Variants in NR1H4 observed in about 807,000 individuals in gnomAD.
NR1H4 encodes the protein bile acid receptor.
NR1H4 carries 23 observed loss-of-function variants against 58.5 expected under a neutral mutation model. That is an observed-to-expected ratio of 0.39 (90% CI 0.28 to 0.56). The LOEUF is 0.56. NR1H4 is among the 20% of genes least tolerant of loss of function. The pLI, the probability that NR1H4 is intolerant of heterozygous loss-of-function variation, is 0.58. For missense variants in NR1H4, 487 were observed against 576.9 expected (o/e 0.84, Z 1.60); for synonymous variants, 214 against 198.0 (o/e 1.08, Z -0.68).
At chr12:100,512,656 A>G (rs964017513) in intron 4 of NR1H4, among the ~76,000 whole-genome samples, 43 of 151,172 alleles carry the variant, frequency 2.8e-4, no homozygotes, top group African/African-American at 1.0e-3. Context: ...AAAAAAAAAG[A>G]CAATGTAAAA....
intron 3 of NR1H4, among the ~76,000 whole-genome samples, chr12:100,508,074 G>T (rs982654314): frequency 7.9e-5 from 12 of 151,824 alleles, no homozygotes; most frequent in African/African-American, 2.9e-4. Flanking sequence ...GTTTTTAAAT[G>T]GCATGTAACT....
At chr12:100,531,591 A>T (rs185910364) in intron 4 of NR1H4, among the ~76,000 whole-genome samples, 4 of 152,366 alleles carry the variant, frequency 2.6e-5, no homozygotes, top group Non-Finnish European at 4.4e-5. Context: ...TAGGCGAGTA[A>T]CTGCCTTCCT....
chr12:100,484,682 C>A (rs1050374956), intron 1 of NR1H4, among the ~76,000 whole-genome samples: 2 of 152,174 alleles, frequency 1.3e-5, no homozygotes, highest in Admixed American at 1.3e-4. Context: ...CGCCACGCTG[C>A]TATGCACTCT....
At chr12:100,509,940 C>A (rs574328571) in intron 3 of NR1H4, among the ~76,000 whole-genome samples, 1 of 152,054 alleles carries the variant, frequency 6.6e-6, no homozygotes, top group African/African-American at 2.4e-5. Flanking sequence ...CACACACACA[C>A]AGAGTTGGTG....
At chr12:100,505,797 A>G (rs1953945879) in intron 3 of NR1H4, 3 of 513,450 alleles carry the variant, frequency 5.8e-6, no homozygotes. Context: ...ACTCTAAATT[A>G]AAGTCGAACT....
intron 3 of NR1H4, among the ~76,000 whole-genome samples, chr12:100,508,641 G>A (rs1236333964): frequency 5.9e-5 from 9 of 152,076 alleles, no homozygotes; most frequent in Admixed American, 5.9e-4. Context: ...ACCTCATAGA[G>A]TTTTGTGAGG....
At chr12:100,517,393 T>C (rs1017729434) in intron 4 of NR1H4, among the ~76,000 whole-genome samples, 10 of 152,234 alleles carry the variant, frequency 6.6e-5, no homozygotes, top group Admixed American at 5.2e-4. Flanking sequence ...TAGTATTCCA[T>C]TATGTATACA....
intron 9 of NR1H4, among the ~76,000 whole-genome samples, chr12:100,544,227 G>A (rs990562794): frequency 2.0e-5 from 3 of 148,874 alleles, no homozygotes; most frequent in Non-Finnish European, 4.4e-5. Context: ...ACTCCAGCCT[G>A]GGGGACAGAG....
intron 9 of NR1H4, among the ~76,000 whole-genome samples, chr12:100,544,253 CAAAA>C (rs943465011): frequency 5.1e-4 from 33 of 64,410 alleles, no homozygotes; most frequent in African/African-American, 1.5e-3. Context: ...CTCGGTCTCA[CAAAA>C]AAAAAAAAAA....
intron 5 of NR1H4, among the ~76,000 whole-genome samples, chr12:100,533,040 G>A (rs1169523501): frequency 6.6e-6 from 1 of 152,262 alleles, no homozygotes; most frequent in East Asian, 1.9e-4. Context: ...TCTAAATAGA[G>A]TTCTAAACCA....
At chr12:100,560,633 A>C (rs35726) in intron 9 of NR1H4, among the ~76,000 whole-genome samples, 74,535 of 152,042 alleles carry the variant, frequency 0.49, 19,648 homozygotes, top group Non-Finnish European at 0.62. Context: ...AAGAGCTGTA[A>C]CACCGCGAGG....
Position 100,511,056 on chromosome 12 carries a change from A to T in NR1H4, c.358A>T (p.Arg120Trp). The change falls in exon 4 of 11, where the codon AGG becomes TGG. Residue 120 changes from arginine (R) to tryptophan (W), a missense_variant. Coordinates refer to ENST00000392986, the MANE Select transcript of NR1H4 (RefSeq NM_001206979.2). ...KKPRMGASAGRIKGDELCVVC... is the reference protein window; with the variant it reads ...KKPRMGASAGWIKGDELCVVC... ...GCCCCGCATGGGCGCGTCAGCAGGG[A>T]GGATCAAAGGGGATGAGCTGTGTGT... 2 of 1,614,254 alleles carry T rather than the reference A, an allele frequency of 1.2e-6. No individual in the cohort carries two copies. The highest frequency in any genetic ancestry group is 1.7e-6 in the Non-Finnish European group (2 of 1,180,036).
chr12:100,547,290 A>G (rs1955093309), intron 9 of NR1H4, among the ~76,000 whole-genome samples: 1 of 152,152 alleles, frequency 6.6e-6, no homozygotes, highest in Admixed American at 6.5e-5. Flanking sequence ...GATTGTCACA[A>G]GAAACAAAGC....
chr12:100,481,973 A>C (rs1254504550), intron 1 of NR1H4, among the ~76,000 whole-genome samples: 1 of 151,758 alleles, frequency 6.6e-6, no homozygotes, highest in Non-Finnish European at 1.5e-5. Flanking sequence ...CAAGTGGTGC[A>C]TGCCTGTAGT....
chr12:100,520,171 T>C (rs939179375), intron 4 of NR1H4, among the ~76,000 whole-genome samples: 3 of 152,152 alleles, frequency 2.0e-5, no homozygotes, highest in African/African-American at 7.2e-5. Flanking sequence ...TCTCTTGATA[T>C]CTGCACTCAG....
At chr12:100,532,822 T>C (rs1380967647) in intron 5 of NR1H4, among the ~76,000 whole-genome samples, 1 of 152,228 alleles carries the variant, frequency 6.6e-6, no homozygotes, top group African/African-American at 2.4e-5. Context: ...TTTTGTTGTT[T>C]TTCTTTGTCG....
Position 100,493,781 on chromosome 12 carries a change from G to A in NR1H4, c.79+379G>A, listed in dbSNP as rs369898578. On this transcript the variant is annotated intron_variant, in intron 3 of 10. Coordinates refer to ENST00000392986, the MANE Select transcript of NR1H4 (RefSeq NM_001206979.2). ...TAATATGACACCTATTAAAGGCTGA[G>A]TTTACTTAGGTTATAGCTGGGCAGA... 2.6e-4 allele frequency among the ~76,000 whole-genome samples: 39 copies of A among 152,286 alleles called. No individual in the cohort carries two copies. In the South Asian group the frequency reaches 7.9e-3, roughly 31 times the overall value.
chr12:100,485,103 C>A (rs1358249654), intron 1 of NR1H4, among the ~76,000 whole-genome samples: 1 of 152,180 alleles, frequency 6.6e-6, no homozygotes, highest in Non-Finnish European at 1.5e-5. Context: ...TAGAAACTCC[C>A]TATGTACCTG....
At chr12:100,513,894 A>G (rs987369090) in intron 4 of NR1H4, among the ~76,000 whole-genome samples, 12 of 152,164 alleles carry the variant, frequency 7.9e-5, no homozygotes, top group Non-Finnish European at 1.8e-4. Context: ...TTTCCAAATG[A>G]CAAGCCTTGA....
Sources: allele counts gnomAD v4.1 joint callset (sites outside exome capture counted in the v4.1 genomes callset), GRCh38; gene constraint gnomAD v4.1.1; transcripts MANE v1.5; gene names NCBI Gene and HGNC (gene_info 2026-07-23, HGNC 2026-07-21).